Variants in MMP16 observed in about 807,000 individuals in gnomAD.
MMP16 encodes matrix metalloproteinase-16.
MMP16 carries 12 observed loss-of-function variants against 67.8 expected under a neutral mutation model. The observed-to-expected ratio is 0.18, with a 90% CI of 0.11 to 0.29. MMP16 has a LOEUF of 0.29. Ranked by LOEUF, MMP16 falls within the 10% of genes least tolerant of loss-of-function variation. MMP16 has a pLI of 1.00. For missense variants in MMP16, 475 were observed against 765.7 expected, an observed-to-expected ratio of 0.62 and a Z score of 4.48; for synonymous variants, 249 against 255.9, an observed-to-expected ratio of 0.97 and a Z score of 0.26.
intron 3 of MMP16, among the ~76,000 whole-genome samples, chr8:88,185,261 C>A (rs1291843253): frequency 6.6e-6 from 1 of 152,024 alleles, no homozygotes; most frequent in African/African-American, 2.4e-5. Flanking sequence ...GACTTCAAGA[C>A]CAGCCTGGCT....
In MMP16 at chr8:88,035,640, A is replaced by G. The variant is rs1390097285; in HGVS notation, c.*5821T>C. On this transcript the variant is annotated 3_prime_UTR_variant, in exon 10 of 10. Transcript: ENST00000286614. The surrounding 1 kb of genome is among the most constrained non-coding windows in gnomAD (Gnocchi z 4.7). ...GATCTTATATCCTTACTTAGTATAA[A>G]TAAATAATATTGTTCTAATAAATGA... is the stretch of plus-strand genomic sequence containing the variant. 2.0e-5 allele frequency: 3 copies of G among 152,022 alleles called. No homozygotes were observed. The highest frequency in any genetic ancestry group is 7.2e-5 in the African/African-American group (3 of 41,442). The allele number at this position is 152,022 out of a possible 1,614,324, so 9.4% of individuals were successfully genotyped here.
At chr8:88,203,918 C>T (rs925014334) in intron 1 of MMP16, among the ~76,000 whole-genome samples, 2 of 152,140 alleles carry the variant, frequency 1.3e-5, no homozygotes, top group Admixed American at 1.3e-4. Flanking sequence ...ATCTTTTAAT[C>T]TGTACCATCA....
chr8:88,271,544 A>G (rs2098859204), intron 1 of MMP16, among the ~76,000 whole-genome samples: 2 of 152,088 alleles, frequency 1.3e-5, no homozygotes, highest in Non-Finnish European at 2.9e-5. Context: ...CCCAGGCTGG[A>G]GTACAGTGGT....
At chr8:88,149,532 T>C (rs1243758068) in intron 4 of MMP16, among the ~76,000 whole-genome samples, 1 of 152,094 alleles carries the variant, frequency 6.6e-6, no homozygotes, top group Non-Finnish European at 1.5e-5. Context: ...GGGGACTGCC[T>C]CCTCAAGTGG....
chr8:88,231,279 C>T (rs1382890769), intron 1 of MMP16, among the ~76,000 whole-genome samples: 4 of 152,138 alleles, frequency 2.6e-5, no homozygotes, highest in South Asian at 2.1e-4. Context: ...CAAAACTGAG[C>T]GGTTCTAGAT....
chr8:88,222,165 G>T (rs2129848812), intron 1 of MMP16, among the ~76,000 whole-genome samples: 1 of 151,992 alleles, frequency 6.6e-6, no homozygotes, highest in Admixed American at 6.6e-5. Context: ...CAAGTGTGTA[G>T]ATGACATGGA....
chr8:88,045,526 A>G (rs1808188156), intron 9 of MMP16, among the ~76,000 whole-genome samples: 1 of 151,896 alleles, frequency 6.6e-6, no homozygotes, highest in African/African-American at 2.4e-5. Flanking sequence ...ACATGCCACC[A>G]TGCCTTGCTT....
chr8:88,198,410 G>T (rs372704645), intron 1 of MMP16, among the ~76,000 whole-genome samples: 2 of 152,060 alleles, frequency 1.3e-5, no homozygotes, highest in African/African-American at 2.4e-5. Context: ...AAAGCTATTT[G>T]CCAGCATGTG....
intron 1 of MMP16, among the ~76,000 whole-genome samples, chr8:88,286,760 A>G (rs1334857580): frequency 1.3e-5 from 2 of 151,598 alleles, no homozygotes; most frequent in East Asian, 1.9e-4. Context: ...TATTTTTAGT[A>G]GAGATGGGGT....
intron 1 of MMP16, among the ~76,000 whole-genome samples, chr8:88,296,476 T>C (rs1811014749): frequency 6.6e-6 from 1 of 152,122 alleles, no homozygotes; most frequent in South Asian, 2.1e-4. Context: ...TTATACACTA[T>C]TATTAACTAT....
In MMP16 at chr8:88,111,740, A is replaced by G. The variant is rs1324179169; in HGVS notation, c.1083+4767T>C. 2.0e-5 allele frequency among the ~76,000 whole-genome samples: 3 copies of G among 151,762 alleles called. No individual in the cohort carries two copies. In the Admixed American group the frequency reaches 2.0e-4, roughly 10 times the overall value. ...GAGGCAGCAAAGGAGGAAGCAAAAA[A>G]ACCAATCTGGGGGATACTACAATAA... is the stretch of plus-strand genomic sequence containing the variant. On this transcript the variant is annotated intron_variant, in intron 6 of 9. Transcript: ENST00000286614.
At position 88,186,482 on chromosome 8, in the gene MMP16, G is replaced by C; in HGVS notation, c.398C>G (p.Thr133Ser). ...TGQKWQHKHI[T>S]YSIKNVTPKV... The stretch of plus-strand genomic sequence containing the variant: ...TAATCGTGAGTTCTTATACCTGTAA[G>C]TGATGTGCTTGTGCTGCCATTTCTG... Residue 133 changes from threonine (T) to serine (S), a missense_variant, in exon 3 of 10, where the codon ACT (threonine) becomes AGT (serine). This residue lies in a region of MMP16 where 170 missense variants were observed against 239.6 expected (regional missense o/e 0.71). Coordinates refer to ENST00000286614, the MANE Select transcript of MMP16 (RefSeq NM_005941.5). 1.9e-6 allele frequency: 3 copies of C among 1,612,742 alleles called. No individual in the cohort carries two copies. Among genetic ancestry groups the C allele is most frequent in the Non-Finnish European group, 2.5e-6 (3 of 1,179,464 alleles).
intron 4 of MMP16, among the ~76,000 whole-genome samples, chr8:88,149,014 C>T (rs1165042278): frequency 2.6e-5 from 4 of 152,128 alleles, no homozygotes; most frequent in Non-Finnish European, 5.9e-5. Context: ...GCACCGGGCG[C>T]GAGCCAAAGC....
chr8:88,259,805 C>T (rs1810358571), intron 1 of MMP16, among the ~76,000 whole-genome samples: 1 of 152,146 alleles, frequency 6.6e-6, no homozygotes, highest in Non-Finnish European at 1.5e-5. Context: ...GGTCCCATCA[C>T]TCAGCTCCAG....
intron 1 of MMP16, among the ~76,000 whole-genome samples, chr8:88,199,208 C>T (rs1218834608): frequency 6.6e-6 from 1 of 151,982 alleles, no homozygotes; most frequent in Non-Finnish European, 1.5e-5. Flanking sequence ...ACAATAAACC[C>T]TATGACTTAT....
At chr8:88,256,924 T>C (rs1375011327) in intron 1 of MMP16, among the ~76,000 whole-genome samples, 1 of 152,232 alleles carries the variant, frequency 6.6e-6, no homozygotes, top group Non-Finnish European at 1.5e-5. Flanking sequence ...GTTTTCAAAA[T>C]GCATAACTGT....
At chr8:88,066,980 T>C (rs990702446) in intron 7 of MMP16, among the ~76,000 whole-genome samples, 4 of 152,116 alleles carry the variant, frequency 2.6e-5, no homozygotes, top group Non-Finnish European at 5.9e-5. Flanking sequence ...TTGGTAGTTA[T>C]TTCCAAGATG....
chr8:88,322,079 G>A (rs1431899533), intron 1 of MMP16, among the ~76,000 whole-genome samples: 1 of 152,082 alleles, frequency 6.6e-6, no homozygotes, highest in African/African-American at 2.4e-5. Context: ...TTCAGAATCT[G>A]AGGTATAACA....
At chr8:88,146,932 G>C (rs891856927) in intron 4 of MMP16, among the ~76,000 whole-genome samples, 15 of 151,912 alleles carry the variant, frequency 9.9e-5, no homozygotes, top group African/African-American at 2.9e-4. Flanking sequence ...CTATATAGCA[G>C]GTATAAATGT....
Sources: gnomAD v4.1 joint callset for allele counts (sites outside exome capture counted in the v4.1 genomes callset) on GRCh38, gnomAD v4.1.1 for gene constraint, gnomAD v4.1.1 regional missense constraint, Gnocchi (gnomAD v3.1) non-coding constraint, MANE v1.5 for transcripts, NCBI Gene and HGNC (gene_info 2026-07-23, HGNC 2026-07-21) for gene names.